INPP4B: variants seen among roughly 807,000 people sequenced by gnomAD.
The protein encoded by INPP4B is inositol polyphosphate 4-phosphatase type II.
Under a neutral mutation model 122.5 loss-of-function variants are expected in INPP4B, and 55 were observed. The observed-to-expected ratio is 0.45, with a 90% CI of 0.36 to 0.56. INPP4B has a LOEUF of 0.56. Ranked by LOEUF, INPP4B falls within the 20% of genes least tolerant of loss-of-function variation. The probability of loss-of-function intolerance (pLI) is 0.00; values close to 1 mark genes in which losing one functional copy is unlikely to be tolerated. For synonymous variants in INPP4B, 403 were observed against 388.7 expected (o/e 1.04, Z -0.43); for missense variants, 1,000 against 1,097.7 (o/e 0.91, Z 1.26).
intron 23 of INPP4B, among the ~76,000 whole-genome samples, chr4:142,104,707 C>A (rs562955168): frequency 6.6e-6 from 1 of 151,918 alleles, no homozygotes; most frequent in African/African-American, 2.4e-5. Context: ...GATCCAAGAC[C>A]CCAGAAGATA....
chr4:142,234,934 G>T (rs1300675084), intron 12 of INPP4B, among the ~76,000 whole-genome samples: 1 of 152,078 alleles, frequency 6.6e-6, no homozygotes, highest in Non-Finnish European at 1.5e-5. Flanking sequence ...GAGAGAAGAG[G>T]GTAGGTGGAT....
chr4:142,101,410 A>C (rs970472474), intron 23 of INPP4B, among the ~76,000 whole-genome samples: 3 of 152,128 alleles, frequency 2.0e-5, no homozygotes, highest in Non-Finnish European at 4.4e-5. Context: ...GAAATACTTA[A>C]GTAGCTTCAA....
intron 1 of INPP4B, among the ~76,000 whole-genome samples, chr4:142,731,948 A>C (rs1238961430): frequency 1.3e-5 from 2 of 152,180 alleles, no homozygotes; most frequent in East Asian, 1.9e-4. Flanking sequence ...GAGACAGGGG[A>C]GTGCAGGTGG....
chr4:142,678,130 G>A (rs1758085881), intron 2 of INPP4B, among the ~76,000 whole-genome samples: 1 of 151,820 alleles, frequency 6.6e-6, no homozygotes, highest in East Asian at 1.9e-4. Flanking sequence ...ATGAAGGCAG[G>A]CTATTATGAC....
chr4:142,506,251 T>C (rs1362185543), intron 2 of INPP4B, among the ~76,000 whole-genome samples: 2 of 152,030 alleles, frequency 1.3e-5, no homozygotes, highest in Non-Finnish European at 2.9e-5. Flanking sequence ...GTCCTAAAAT[T>C]GAGGACAACA....
intron 15 of INPP4B, among the ~76,000 whole-genome samples, chr4:142,189,693 C>T (rs920698580): frequency 1.4e-4 from 22 of 151,810 alleles, no homozygotes; most frequent in African/African-American, 4.8e-4. Context: ...GGAAACAGAA[C>T]GAGGAAAAAG....
At chr4:142,283,659 A>G (rs1449819923) in intron 9 of INPP4B, among the ~76,000 whole-genome samples, 2 of 152,182 alleles carry the variant, frequency 1.3e-5, no homozygotes, top group Non-Finnish European at 2.9e-5. Context: ...GTGTACCTAA[A>G]CATGGAAAAG....
At chr4:142,818,005 A>G (rs1780327049) in intron 1 of INPP4B, among the ~76,000 whole-genome samples, 1 of 152,180 alleles carries the variant, frequency 6.6e-6, no homozygotes, top group Admixed American at 6.5e-5. Flanking sequence ...GGAGGGAAAG[A>G]GAAAAATTGA....
chr4:142,208,837 T>C (rs1423245279), intron 13 of INPP4B, 59 bp downstream of exon 13: 1 of 1,270,240 alleles, frequency 7.9e-7, no homozygotes, highest in Admixed American at 2.6e-5. Flanking sequence ...ATTTTTTTTT[T>C]CATTTCACAT....
intron 2 of INPP4B, among the ~76,000 whole-genome samples, chr4:142,474,594 G>A (rs891746633): frequency 3.9e-5 from 6 of 152,152 alleles, no homozygotes; most frequent in African/African-American, 1.2e-4. Flanking sequence ...CCTAGCTGGA[G>A]GGCACAACCT....
At chr4:142,065,497 C>A (rs1157820992) in intron 25 of INPP4B, among the ~76,000 whole-genome samples, 1 of 152,072 alleles carries the variant, frequency 6.6e-6, no homozygotes, top group Non-Finnish European at 1.5e-5. Context: ...GGAATGACTG[C>A]ACAGAATACT....
At chr4:142,069,290 C>A (rs189337494) in intron 25 of INPP4B, among the ~76,000 whole-genome samples, 3,696 of 152,264 alleles carry the variant, frequency 0.024, 61 homozygotes, top group Middle Eastern at 0.044. Flanking sequence ...CCAATGAGAA[C>A]AAACACACAA....
rs140658768 is a variant in INPP4B, at chr4:142,771,361, G to A, written c.-253-45460C>T. On this transcript the variant is annotated intron_variant, in intron 1 of 25. Transcript: ENST00000262992. Reference sequence around the variant, plus strand: ...AGAAGTTTTAAAACGGGAATGTTATGATCTGATGTACATCCTAGAGAAGTT... The same window carrying A: ...AGAAGTTTTAAAACGGGAATGTTATAATCTGATGTACATCCTAGAGAAGTT... Among the ~76,000 whole-genome samples, 14 of 152,236 alleles carry A rather than the reference G, an allele frequency of 9.2e-5. No individual in the cohort carries two copies. In the East Asian group the frequency reaches 2.7e-3, roughly 29 times the overall value.
intron 11 of INPP4B, among the ~76,000 whole-genome samples, chr4:142,256,062 G>A (rs1295337631): frequency 1.3e-5 from 2 of 150,792 alleles, no homozygotes; most frequent in Non-Finnish European, 3.0e-5. Flanking sequence ...ACTCAAAACT[G>A]CTCAACTACA....
chr4:142,183,351 G>A (rs906445299), intron 15 of INPP4B, among the ~76,000 whole-genome samples: 3 of 152,192 alleles, frequency 2.0e-5, no homozygotes, highest in Admixed American at 6.5e-5. Flanking sequence ...TCACAAGGAA[G>A]AGGACATTGA....
intron 1 of INPP4B, among the ~76,000 whole-genome samples, chr4:142,818,658 A>T (rs1780430764): frequency 6.6e-6 from 1 of 152,106 alleles, no homozygotes; most frequent in Non-Finnish European, 1.5e-5. Context: ...TCCTGCCCCG[A>T]TCCGTGTAGC....
intron 9 of INPP4B, among the ~76,000 whole-genome samples, chr4:142,277,312 T>C (rs1293253973): frequency 2.0e-5 from 3 of 151,738 alleles, no homozygotes; most frequent in African/African-American, 4.8e-5. Context: ...GACTATTTCT[T>C]TTGCTGTGCA....
At chr4:142,369,859 A>G (rs1789146731) in intron 7 of INPP4B, among the ~76,000 whole-genome samples, 1 of 150,566 alleles carries the variant, frequency 6.6e-6, no homozygotes, top group Non-Finnish European at 1.5e-5. Flanking sequence ...TGAACCCAGG[A>G]GACGGAGGTT....
chr4:142,214,375 T>C (rs1363131231), intron 12 of INPP4B, among the ~76,000 whole-genome samples: 1 of 152,148 alleles, frequency 6.6e-6, no homozygotes, highest in Non-Finnish European at 1.5e-5. Context: ...ACCCCAGGAT[T>C]TGTAATACAG....
Sources: gnomAD v4.1 joint callset for allele counts (sites outside exome capture counted in the v4.1 genomes callset) on GRCh38, gnomAD v4.1.1 for gene constraint, MANE v1.5 for transcripts, NCBI Gene and HGNC (gene_info 2026-07-23, HGNC 2026-07-21) for gene names.